Variants in GRM8 observed in about 807,000 individuals in gnomAD.
GRM8 encodes the protein metabotropic glutamate receptor 8.
A neutral mutation model predicts 87.2 loss-of-function variants in GRM8; 47 were observed. The observed-to-expected ratio is 0.54, with a 90% CI of 0.43 to 0.69. The LOEUF (loss-of-function observed/expected upper bound fraction) is 0.69. Among genes scored for constraint, GRM8 ranks in the 30% least tolerant of loss-of-function variants. The pLI, the probability that GRM8 is intolerant of heterozygous loss-of-function variation, is 0.00. For missense variants in GRM8, 1,019 were observed against 1,139.2 expected, an observed-to-expected ratio of 0.89 and a Z score of 1.52; for synonymous variants, 396 against 404.5, an observed-to-expected ratio of 0.98 and a Z score of 0.25.
At chr7:126,494,445 G>A (rs1432685025) in intron 9 of GRM8, among the ~76,000 whole-genome samples, 2 of 151,856 alleles carry the variant, frequency 1.3e-5, no homozygotes, top group East Asian at 3.9e-4. Flanking sequence ...TCTATGACAT[G>A]ATAAAGACAT....
chr7:126,871,506 C>T (rs1799091532), intron 6 of GRM8, among the ~76,000 whole-genome samples: 2 of 152,116 alleles, frequency 1.3e-5, no homozygotes, highest in African/African-American at 2.4e-5. Flanking sequence ...GAGCAGTATA[C>T]ATTGTATGTG....
intron 6 of GRM8, among the ~76,000 whole-genome samples, chr7:126,837,396 G>A (rs1385428934): frequency 2.0e-5 from 3 of 152,138 alleles, no homozygotes; most frequent in Admixed American, 1.3e-4. Flanking sequence ...AAGATGTAGG[G>A]TACATGCCAC....
At chr7:126,795,308 C>T (rs1298681056) in intron 6 of GRM8, among the ~76,000 whole-genome samples, 1 of 152,088 alleles carries the variant, frequency 6.6e-6, no homozygotes, top group African/African-American at 2.4e-5. Flanking sequence ...AAGTGAAGTA[C>T]CCATCACAGC....
In GRM8 at chr7:126,446,121, C is replaced by T. The variant is rs746910082; in HGVS notation, c.2677+5G>A. 7.4e-6 allele frequency: 12 copies of T among 1,612,616 alleles called. No homozygotes were observed. The East Asian group carries it at 2.7e-4, about 36-fold the overall frequency. On this transcript the variant is annotated splice_donor_5th_base_variant and intron_variant, in intron 10 of 10. Transcript: ENST00000339582. The stretch of plus-strand genomic sequence containing the variant: ...TGACCATCGGAAACTCTACAGATGA[C>T]TTACTGTTGGTTTCAAGACTCTCAC...
chr7:126,647,555 A>C (rs1803294490), intron 7 of GRM8, among the ~76,000 whole-genome samples: 1 of 152,098 alleles, frequency 6.6e-6, no homozygotes, highest in Non-Finnish European at 1.5e-5. Flanking sequence ...CATAGCCATC[A>C]CAAATTAAAA....
At chr7:126,545,313 G>C (rs1186707710) in intron 8 of GRM8, among the ~76,000 whole-genome samples, 2 of 152,086 alleles carry the variant, frequency 1.3e-5, no homozygotes, top group Non-Finnish European at 2.9e-5. Context: ...GGCACATATG[G>C]TATTTGTTGC....
At chr7:126,841,246 G>C (rs1413090080) in intron 6 of GRM8, among the ~76,000 whole-genome samples, 1 of 152,202 alleles carries the variant, frequency 6.6e-6, no homozygotes. Flanking sequence ...AATTATCTGT[G>C]CCATATGGCA....
At chr7:126,656,681 T>C (rs1055127003) in intron 7 of GRM8, among the ~76,000 whole-genome samples, 7 of 151,018 alleles carry the variant, frequency 4.6e-5, no homozygotes, top group East Asian at 1.9e-4. Flanking sequence ...AATAAAAAAA[T>C]AAAAAAACAA....
At chr7:127,176,470 A>G (rs1048478855) in intron 2 of GRM8, among the ~76,000 whole-genome samples, 12 of 152,210 alleles carry the variant, frequency 7.9e-5, no homozygotes, top group African/African-American at 2.9e-4. Flanking sequence ...TGGGATCATC[A>G]TGGCAGACAG....
At chr7:127,063,816 A>G (rs898288247) in intron 3 of GRM8, among the ~76,000 whole-genome samples, 7 of 152,162 alleles carry the variant, frequency 4.6e-5, no homozygotes, top group Admixed American at 4.6e-4. Context: ...CAGAGATTCC[A>G]GTATGTTGTT....
At chr7:126,890,676 T>C (rs903536822) in intron 6 of GRM8, among the ~76,000 whole-genome samples, 11 of 152,100 alleles carry the variant, frequency 7.2e-5, no homozygotes, top group African/African-American at 1.2e-4. Flanking sequence ...TAATTTAGCT[T>C]TAGTGAAGAG....
chr7:126,712,484 C>T (rs185105278), intron 7 of GRM8, among the ~76,000 whole-genome samples: 67 of 152,170 alleles, frequency 4.4e-4, no homozygotes, highest in African/African-American at 1.4e-3. Flanking sequence ...CAGCACCCAC[C>T]GACTTGAAAT....
chr7:127,106,956 T>C (rs1825865882), intron 2 of GRM8, among the ~76,000 whole-genome samples: 1 of 152,246 alleles, frequency 6.6e-6, no homozygotes, highest in Non-Finnish European at 1.5e-5. Context: ...TAGTTTCCAT[T>C]GTTTCTGGAG....
intron 7 of GRM8, among the ~76,000 whole-genome samples, chr7:126,655,080 T>C (rs1258319378): frequency 6.6e-6 from 1 of 152,208 alleles, no homozygotes; most frequent in Non-Finnish European, 1.5e-5. Flanking sequence ...ATAAAATGGA[T>C]GGTACAACAT....
chr7:126,734,229 G>C (rs1563135784), intron 7 of GRM8, among the ~76,000 whole-genome samples: 1 of 151,862 alleles, frequency 6.6e-6, no homozygotes. Context: ...TCTCGAAGTT[G>C]ATCTGTAAGT....
chr7:127,047,089 G>A (rs1322186992), intron 3 of GRM8, among the ~76,000 whole-genome samples: 1 of 152,062 alleles, frequency 6.6e-6, no homozygotes, highest in Non-Finnish European at 1.5e-5. Context: ...TTGGGCCAGG[G>A]GTCAGCAAAC....
intron 7 of GRM8, among the ~76,000 whole-genome samples, chr7:126,743,675 C>T (rs1362343608): frequency 1.3e-5 from 2 of 152,062 alleles, no homozygotes; most frequent in Non-Finnish European, 2.9e-5. Context: ...GCTTCTCTAA[C>T]AGTATACGTT....
At chr7:126,902,802 T>C in intron 5 of GRM8, 123 bp from the exon 6 acceptor site, 1 of 619,148 alleles carries the variant, frequency 1.6e-6, no homozygotes, top group Non-Finnish European at 2.6e-6. Context: ...ACATAACAAA[T>C]GAGAGAAAGC....
At chr7:126,837,955 T>TA (rs998712410) in intron 6 of GRM8, among the ~76,000 whole-genome samples, 13 of 152,110 alleles carry the variant, frequency 8.5e-5, no homozygotes. Flanking sequence ...GTGCTTCCCT[T>TA]AAAAAATCTG....
Sources: allele counts gnomAD v4.1 joint callset (sites outside exome capture counted in the v4.1 genomes callset), GRCh38; gene constraint gnomAD v4.1.1; transcripts MANE v1.5; gene names NCBI Gene and HGNC (gene_info 2026-07-23, HGNC 2026-07-21).